The following ULK1 variants were observed in gnomAD, a reference collection of about 807,000 sequenced individuals.
The protein encoded by ULK1 is unc-51 like autophagy activating kinase 1.
ULK1 carries 48 observed loss-of-function variants against 117.5 expected under a neutral mutation model. That is an observed-to-expected ratio of 0.41 (90% CI 0.32 to 0.52). ULK1 has a LOEUF of 0.52. ULK1 is among the 20% of genes least tolerant of loss of function. The pLI is 0.29. For synonymous variants in ULK1, 790 were observed against 637.8 expected, an observed-to-expected ratio of 1.24 and a Z score of -3.60; for missense variants, 1,387 against 1,473.4, an observed-to-expected ratio of 0.94 and a Z score of 0.96.
At chr12:131,900,245 A>G (rs1237687773) in intron 3 of ULK1, among the ~76,000 whole-genome samples, 3 of 152,064 alleles carry the variant, frequency 2.0e-5, no homozygotes, top group Non-Finnish European at 4.4e-5. Flanking sequence ...TCCTTTATAT[A>G]TGAAGCAAAG....
At chr12:131,916,326 C>T (rs1889780825) in intron 19 of ULK1, 72 bp from the exon 20 acceptor site, 1 of 1,522,514 alleles carries the variant, frequency 6.6e-7, no homozygotes, top group South Asian at 1.3e-5. Flanking sequence ...CGGACTCGGC[C>T]CCTTCCCCAG....
chr12:131,910,826 C>T, intron 12 of ULK1, 26 bp downstream of exon 12: 3 of 1,611,278 alleles, frequency 1.9e-6, no homozygotes, highest in Non-Finnish European at 2.5e-6. Context: ...AGGGGCTTGG[C>T]AGCTTCTCCC....
At chr12:131,897,863 C>T (rs984011127) in intron 3 of ULK1, 2 of 152,258 alleles carry the variant, frequency 1.3e-5, no homozygotes, top group Non-Finnish European at 1.5e-5. Flanking sequence ...GTTGCCACCG[C>T]GTTCCAGCCT....
rs55824543 is a variant in ULK1, at chr12:131,915,217, C to G, written c.1508C>G (p.Thr503Arg). 3 of 1,600,786 alleles carry G rather than the reference C, an allele frequency of 1.9e-6. No homozygotes were observed. Among genetic ancestry groups the G allele is most frequent in the Admixed American group, 3.5e-5 (2 of 57,738 alleles). ...TCTCTGGGTGGAGGCCGGCCCTACACGCCATCTCCTCAAGGTGCGCCTGCA... is the reference window on the plus strand; with the variant it reads ...TCTCTGGGTGGAGGCCGGCCCTACAGGCCATCTCCTCAAGGTGCGCCTGCA... ...KMSLGGGRPY[T>R]PSPQVGTIPE... is the part of the protein sequence containing the mutation. The change falls in exon 17 of 28, where the codon ACG (threonine) becomes AGG (arginine). Residue 503 changes from threonine to arginine, a missense_variant. Thr to Arg is a moderately conservative substitution (Grantham distance 71, BLOSUM62 -1). Around this residue, in one of 4 missense-constraint regions of ULK1, gnomAD observed 900 missense variants for 858.9 expected, o/e 1.05. Transcript: ENST00000321867.
chr12:131,914,606 C>G lies in ULK1; in HGVS notation c.1373+129C>G, dbSNP rs1317686138. 7 of 1,231,008 alleles carry G rather than the reference C, an allele frequency of 5.7e-6. No individual in the cohort carries two copies. The South Asian group carries it at 6.9e-5, about 12-fold the overall frequency. The allele number at this position is 1,231,008 out of a possible 1,614,324, so 76.3% of individuals were successfully genotyped here. ...TGTGCAGGCTGCGCACTGCGTAACT[C>G]AGCACCACCATTTACTTTGTTGATG... On this transcript the variant is annotated intron_variant, in intron 16 of 27. Transcript: ENST00000321867.
At position 131,914,338 on chromosome 12, in the gene ULK1, T is replaced by C. The variant is rs759333162; in HGVS notation, c.1248-14T>C. ...CCCAGTGTCTGTCATGATCCTGACC[T>C]CTCTCCACCACAGCCGGGCTGGCCC... On this transcript the variant is annotated splice_polypyrimidine_tract_variant and intron_variant, in intron 15 of 27. Transcript: ENST00000321867. The C allele has an allele frequency of 3.0e-5, 49 of 1,607,268 alleles. 1 individual carries two copies. The East Asian group carries it at 1.1e-3, about 36-fold the overall frequency.
In ULK1 at chr12:131,914,546, C is replaced by A. The variant is rs952295300; in HGVS notation, c.1373+69C>A. On this transcript the variant is annotated intron_variant, in intron 16 of 27. Coordinates refer to ENST00000321867, the MANE Select transcript of ULK1 (RefSeq NM_003565.4). ...GTGTGGCAGGAGCCCTTCCACGGCT[C>A]CCATAGAGGGACAGGGTCGTCATCC... 14 of 1,550,556 alleles carry A rather than the reference C, an allele frequency of 9.0e-6. No homozygotes were observed. The African/African-American group carries it at 1.6e-4, about 18-fold the overall frequency.
chr12:131,917,019 C>T lies in ULK1; in HGVS notation c.2139C>T (p.Asp713=). The T allele has an allele frequency of 1.9e-6, 3 of 1,545,540 alleles. No homozygotes were observed. The highest frequency in any genetic ancestry group is 2.6e-6 in the Non-Finnish European group (3 of 1,139,004). Residue 713 remains aspartate (D), a synonymous_variant, in exon 21 of 28, where the codon GAC becomes GAT. Coordinates refer to ENST00000321867, the MANE Select transcript of ULK1 (RefSeq NM_003565.4). ...CGGCGTTTGGGACACAAGCCCCGGA[C>T]CCGGGCAGCACGGAGAGCCTGCAGG... is the stretch of plus-strand genomic sequence containing the variant. ...LKAAFGTQAP[D]PGSTESLQEK...
chr12:131,911,951 G>C lies in ULK1; in HGVS notation c.958G>C (p.Glu320Gln). The change falls in exon 13 of 28, where the codon GAG (glutamate) becomes CAG (glutamine). Residue 320 changes from glutamate to glutamine, a missense_variant. Coordinates refer to ENST00000321867, the MANE Select transcript of ULK1 (RefSeq NM_003565.4). ...CTCCGTTGACTCTCAGTCCCTGGGC[G>C]AGATGCAGCAGCTGCAGAAGACCCT... ...SHLASPPSLGEMQQLQKTLAS... is the reference protein window; with the variant it reads ...SHLASPPSLGQMQQLQKTLAS... The C allele has an allele frequency of 6.2e-7, 1 of 1,612,846 alleles. No homozygotes were observed. Among genetic ancestry groups the C allele is most frequent in the South Asian group, 1.1e-5 (1 of 91,078 alleles).
Position 131,919,597 on chromosome 12 carries a change from G to C in ULK1, c.2803+7G>C, listed in dbSNP as rs755371897. 1 of 1,610,432 alleles carries C rather than the reference G, an allele frequency of 6.2e-7. No homozygotes were observed. Among genetic ancestry groups the C allele is most frequent in the Non-Finnish European group, 8.5e-7 (1 of 1,179,230 alleles). ...TCGTCCACTGTGAAGCAGGGTGAGG[G>C]CTGCGACCGCTCAGCCCACATGCCG... On this transcript the variant is annotated splice_region_variant and intron_variant, in intron 25 of 27. Transcript: ENST00000321867.
At position 131,916,454 on chromosome 12, in the gene ULK1, C is replaced by T; in HGVS notation, c.1935C>T (p.Leu645=). 1 of 1,611,380 alleles carries T rather than the reference C, an allele frequency of 6.2e-7. No individual in the cohort carries two copies. Among genetic ancestry groups the T allele is most frequent in the Non-Finnish European group, 8.5e-7 (1 of 1,179,366 alleles). The change falls in exon 20 of 28, where the codon CTC becomes CTT. Residue 645 remains leucine (L), a synonymous_variant. Transcript: ENST00000321867. ...CCAGCTCCCAGAACCTGCTGGCCCT[C>T]CTAGCCCGGCAGGGCGTGGTGATGA... The part of the protein sequence containing the change: ...KTPSSQNLLA[L]LARQGVVMTP...
intron 3 of ULK1, among the ~76,000 whole-genome samples, 176 bp downstream of exon 3, chr12:131,896,000 C>T (rs1000200073): frequency 3.3e-5 from 5 of 152,016 alleles, no homozygotes; most frequent in African/African-American, 1.2e-4. Context: ...TGTGACTTCC[C>T]CAGCTGTGAG....
intron 16 of ULK1, among the ~76,000 whole-genome samples, chr12:131,914,698 A>G (rs7487166): frequency 0.67 from 101,586 of 152,228 alleles, 37,293 homozygotes; most frequent in Non-Finnish European, 0.84. Flanking sequence ...TATAAAATCA[A>G]TATTGACTTT....
In ULK1 at chr12:131,913,133, G is replaced by A. The variant is rs367953089; in HGVS notation, c.1097-65G>A. On this transcript the variant is annotated intron_variant, in intron 13 of 27. Transcript: ENST00000321867. ...GCGTGGGGATCCAGCAGAGAGCCTCGGTGGGGTGGGGTGGCCCTGGGCAGG... is the reference window on the plus strand; with the variant it reads ...GCGTGGGGATCCAGCAGAGAGCCTCAGTGGGGTGGGGTGGCCCTGGGCAGG... The A allele has an allele frequency of 2.0e-4, 295 of 1,460,820 alleles. No individual in the cohort carries two copies. In the African/African-American group the frequency reaches 3.6e-3, roughly 18 times the overall value. 90.5% of individuals were successfully genotyped at this position (1,460,820 alleles called of 1,614,324 possible).
chr12:131,912,900 A>G (rs1889602409), intron 13 of ULK1, among the ~76,000 whole-genome samples: 1 of 152,130 alleles, frequency 6.6e-6, no homozygotes, highest in African/African-American at 2.4e-5. Flanking sequence ...GAGTTAGCTA[A>G]AGGCTGGGGG....
In ULK1 at chr12:131,921,121, G is replaced by A. The variant is rs1228131476; in HGVS notation, c.2983G>A (p.Glu995Lys). 5 of 1,600,422 alleles carry A rather than the reference G, an allele frequency of 3.1e-6. No individual in the cohort carries two copies. The highest frequency in any genetic ancestry group is 4.2e-6 in the Non-Finnish European group (5 of 1,178,474). The change falls in exon 27 of 28, where the codon GAG (glutamate) becomes AAG (lysine). Residue 995 changes from glutamate to lysine, a missense_variant. Around this residue, in one of 4 missense-constraint regions of ULK1, gnomAD observed 900 missense variants for 858.9 expected, o/e 1.05. Coordinates refer to ENST00000321867, the MANE Select transcript of ULK1 (RefSeq NM_003565.4). ...CCAGGTGCAGTCGGCTGCCCTGGAC[G>A]AGATGTTCCAGCACCGTGAGGGCTG... ...VQMVQSAALD[E>K]MFQHREGCVP... is the part of the protein sequence containing the mutation.
Position 131,913,275 on chromosome 12 carries a change from T to C in ULK1, c.1157+17T>C, listed in dbSNP as rs1889622430. 1.9e-6 allele frequency: 3 copies of C among 1,539,710 alleles called. No homozygotes were observed. Among genetic ancestry groups the C allele is most frequent in the African/African-American group, 2.8e-5 (2 of 70,394 alleles). On this transcript the variant is annotated intron_variant, in intron 14 of 27. Coordinates refer to ENST00000321867, the MANE Select transcript of ULK1 (RefSeq NM_003565.4). Reference sequence around the variant, plus strand: ...GTGCAGTGGGTGAGCCCCCATCCCTTACCTCTGTATTTTAGGGGAGAGAAA... The same window carrying C: ...GTGCAGTGGGTGAGCCCCCATCCCTCACCTCTGTATTTTAGGGGAGAGAAA...
At position 131,894,925 on chromosome 12, in the gene ULK1, C is replaced by T. The variant is rs1166119258; in HGVS notation, c.-77C>T. ...GCCCCGCGCCCCCGGCCCGCCCGCC[C>T]CGGCCCGCGCCTCCGCCTGAGTCCC... is the stretch of plus-strand genomic sequence containing the variant. On this transcript the variant is annotated 5_prime_UTR_variant, in exon 1 of 28. Coordinates refer to ENST00000321867, the MANE Select transcript of ULK1 (RefSeq NM_003565.4). The T allele has an allele frequency of 6.6e-6, 2 of 302,750 alleles. No homozygotes were observed. The highest frequency in any genetic ancestry group is 4.7e-5 in the African/African-American group (2 of 42,666). 18.8% of individuals were successfully genotyped at this position (302,750 alleles called of 1,614,324 possible).
intron 20 of ULK1, 140 bp downstream of exon 20, chr12:131,916,731 C>A: frequency 1.6e-6 from 2 of 1,220,684 alleles, no homozygotes; most frequent in Non-Finnish European, 2.2e-6. Flanking sequence ...TGGCTGGGTG[C>A]CAGAGAGCCT....
Sources: allele counts gnomAD v4.1 joint callset (sites outside exome capture counted in the v4.1 genomes callset), GRCh38; gene constraint gnomAD v4.1.1; regional missense constraint gnomAD v4.1.1; transcripts MANE v1.5; gene names NCBI Gene and HGNC (gene_info 2026-07-23, HGNC 2026-07-21).